Variants in OPCML observed in about 807,000 individuals in gnomAD.
OPCML encodes opioid binding protein/cell adhesion molecule like.
A neutral mutation model predicts 37.8 loss-of-function variants in OPCML; 13 were observed. The ratio of observed to expected loss-of-function variants is 0.34; its 90% confidence interval spans 0.22 to 0.55. The LOEUF (loss-of-function observed/expected upper bound fraction) is 0.55. OPCML is among the 20% of genes least tolerant of loss of function. OPCML has a pLI of 0.91. For missense variants in OPCML, 341 were observed against 435.6 expected (o/e 0.78, Z 1.93); for synonymous variants, 176 against 168.8 (o/e 1.04, Z -0.33).
In OPCML at chr11:133,450,448, C is replaced by T. The variant is rs1217189533; in HGVS notation, c.61+81816G>A. ...GACATTGACTCACTGGGCAAAAAAG[C>T]TGTAATCAACCTTTCTAATTTAATT... On this transcript the variant is annotated intron_variant, in intron 1 of 7. Coordinates refer to ENST00000524381, the MANE Select transcript of OPCML (RefSeq NM_001012393.5). 4.6e-5 allele frequency among the ~76,000 whole-genome samples: 7 copies of T among 151,258 alleles called. 1 individual carries two copies. The highest frequency in any genetic ancestry group is 1.7e-4 in the African/African-American group (7 of 40,722).
intron 1 of OPCML, among the ~76,000 whole-genome samples, chr11:133,453,942 C>T (rs900386610): frequency 2.6e-5 from 4 of 152,124 alleles, no homozygotes; most frequent in Non-Finnish European, 5.9e-5. Context: ...GGAAATGCAT[C>T]CCCACAGAAA....
intron 4 of OPCML, among the ~76,000 whole-genome samples, chr11:132,441,322 T>C (rs940343133): frequency 1.2e-4 from 18 of 150,400 alleles, no homozygotes; most frequent in African/African-American, 2.5e-4. Flanking sequence ...CGCCCGCCAC[T>C]ACGCCCGGCT....
At chr11:132,499,221 A>G (rs1338990660) in intron 4 of OPCML, among the ~76,000 whole-genome samples, 1 of 152,212 alleles carries the variant, frequency 6.6e-6, no homozygotes, top group African/African-American at 2.4e-5. Flanking sequence ...GCCCTAAGAC[A>G]GCATAGGAAT....
intron 1 of OPCML, among the ~76,000 whole-genome samples, chr11:133,231,137 A>T (rs1940257958): frequency 6.6e-6 from 1 of 152,202 alleles, no homozygotes. Flanking sequence ...CTGTTCTAAC[A>T]TACGATATGA....
intron 1 of OPCML, among the ~76,000 whole-genome samples, chr11:133,038,775 T>G (rs1358870368): frequency 6.6e-6 from 1 of 150,952 alleles, no homozygotes; most frequent in Non-Finnish European, 1.5e-5. Flanking sequence ...TTGGTTGTAA[T>G]AGGGTTGATC....
At position 133,211,015 on chromosome 11, in the gene OPCML, A is replaced by T. The variant is rs940073502; in HGVS notation, c.62-268005T>A. On this transcript the variant is annotated intron_variant, in intron 1 of 7. Transcript: ENST00000524381. This position sits in a 1 kb window ranked among gnomAD's most constrained non-coding sequence, Gnocchi z 4.1. Reference sequence around the variant, plus strand: ...AGGATTTAGCTGAAAAACAAAAATTAAAAAAATGTGCAGAGAAGTCTCTCT... The same window carrying T: ...AGGATTTAGCTGAAAAACAAAAATTTAAAAAATGTGCAGAGAAGTCTCTCT... 1.3e-5 allele frequency among the ~76,000 whole-genome samples: 2 copies of T among 152,166 alleles called. No homozygotes were observed. Among genetic ancestry groups the T allele is most frequent in the Non-Finnish European group, 2.9e-5 (2 of 68,026 alleles).
At chr11:133,032,132 C>A (rs539719619) in intron 1 of OPCML, among the ~76,000 whole-genome samples, 2 of 152,276 alleles carry the variant, frequency 1.3e-5, no homozygotes, top group Non-Finnish European at 2.9e-5. Flanking sequence ...CAGAGGCTTC[C>A]TCTCATCCTT....
chr11:132,629,924 C>T (rs1939988871), intron 3 of OPCML, among the ~76,000 whole-genome samples: 1 of 152,118 alleles, frequency 6.6e-6, no homozygotes. Context: ...AAATTGTTAA[C>T]CTAAGTATGT....
intron 1 of OPCML, among the ~76,000 whole-genome samples, chr11:133,433,684 G>A (rs866938026): frequency 7.2e-5 from 11 of 152,234 alleles, no homozygotes; most frequent in Middle Eastern, 3.4e-3. Flanking sequence ...AGCCTCTCTT[G>A]CCCCTCCATC....
intron 1 of OPCML, among the ~76,000 whole-genome samples, chr11:133,372,248 T>C (rs759187882): frequency 1.3e-5 from 2 of 152,206 alleles, no homozygotes; most frequent in Non-Finnish European, 2.9e-5. Context: ...CCTGACTTGA[T>C]CATTACATAT....
chr11:133,016,957 T>A (rs1408127399), intron 1 of OPCML, among the ~76,000 whole-genome samples: 1 of 152,196 alleles, frequency 6.6e-6, no homozygotes, highest in African/African-American at 2.4e-5. Flanking sequence ...AGGGTAATGC[T>A]CTGAAATATG....
At chr11:132,767,701 T>G (rs1031040393) in intron 2 of OPCML, among the ~76,000 whole-genome samples, 6 of 152,136 alleles carry the variant, frequency 3.9e-5, no homozygotes, top group Admixed American at 2.0e-4. Context: ...CTTAATTACA[T>G]AATTTACCTA....
chr11:133,139,590 G>A (rs1438463115), intron 1 of OPCML, among the ~76,000 whole-genome samples: 1 of 152,190 alleles, frequency 6.6e-6, no homozygotes, highest in Non-Finnish European at 1.5e-5. Context: ...CTGACACTTA[G>A]AAATGGGAAG....
chr11:133,432,847 T>C (rs993752256), intron 1 of OPCML, among the ~76,000 whole-genome samples: 6 of 152,154 alleles, frequency 3.9e-5, no homozygotes, highest in Admixed American at 1.3e-4. Flanking sequence ...TTATATACCA[T>C]GCAAAATACT....
At chr11:132,762,599 C>T (rs1296333859) in intron 2 of OPCML, among the ~76,000 whole-genome samples, 1 of 152,168 alleles carries the variant, frequency 6.6e-6, no homozygotes, top group Non-Finnish European at 1.5e-5. Flanking sequence ...TTCCTGGTGG[C>T]TTTGTTTACA....
At chr11:132,966,656 C>T (rs1946221020) in intron 1 of OPCML, among the ~76,000 whole-genome samples, 1 of 151,978 alleles carries the variant, frequency 6.6e-6, no homozygotes, top group Non-Finnish European at 1.5e-5. Flanking sequence ...TACTAAAATC[C>T]TCAATTATTA....
chr11:133,214,731 C>T (rs1939513586), intron 1 of OPCML, among the ~76,000 whole-genome samples: 1 of 152,116 alleles, frequency 6.6e-6, no homozygotes, highest in Non-Finnish European at 1.5e-5. Flanking sequence ...TTGCATTTTG[C>T]TCAGAGTAAA....
intron 1 of OPCML, among the ~76,000 whole-genome samples, chr11:133,035,557 GGC>G (rs1441880511): frequency 1.3e-5 from 2 of 152,194 alleles, no homozygotes; most frequent in Non-Finnish European, 2.9e-5. Context: ...ATGTGGCACA[GGC>G]TAAGTGCCAC....
At chr11:133,165,389 G>A (rs1950195971) in intron 1 of OPCML, among the ~76,000 whole-genome samples, 1 of 152,086 alleles carries the variant, frequency 6.6e-6, no homozygotes, top group South Asian at 2.1e-4. Flanking sequence ...CACCTTGGCT[G>A]CAGCAGGAGC....
Sources: gnomAD v4.1 joint callset for allele counts (sites outside exome capture counted in the v4.1 genomes callset) on GRCh38, gnomAD v4.1.1 for gene constraint, Gnocchi (gnomAD v3.1) non-coding constraint, MANE v1.5 for transcripts, NCBI Gene and HGNC (gene_info 2026-07-23, HGNC 2026-07-21) for gene names.